The following TMEM163 variants were observed in gnomAD, a reference collection of about 807,000 sequenced individuals.
TMEM163 encodes transmembrane protein 163.
Under a neutral mutation model 29.3 loss-of-function variants are expected in TMEM163, and 17 were observed. The ratio of observed to expected loss-of-function variants is 0.58; its 90% CI spans 0.40 to 0.87. TMEM163 has a LOEUF of 0.87. Ranked by LOEUF, TMEM163 falls within the 40% of genes least tolerant of loss-of-function variation. The probability of loss-of-function intolerance (pLI) is 0.00; values close to 1 mark genes in which losing one functional copy is unlikely to be tolerated. For missense variants in TMEM163, 303 were observed against 381.5 expected, an observed-to-expected ratio of 0.79 and a Z score of 1.71; for synonymous variants, 157 against 160.6, an observed-to-expected ratio of 0.98 and a Z score of 0.17.
At chr2:134,472,724 C>T (rs1686832153) in intron 5 of TMEM163, among the ~76,000 whole-genome samples, 1 of 152,210 alleles carries the variant, frequency 6.6e-6, no homozygotes, top group South Asian at 2.1e-4. Flanking sequence ...CAGAAGACTT[C>T]AACAACATGA....
Position 134,702,707 on chromosome 2 carries a change from A to C in TMEM163, c.322+10493T>G, listed in dbSNP as rs548722684. ...AATTTTCAAAAAAGATCCACAAAAC[A>C]AGAGCTGGAAAATTTTTTAAAGAAA... On this transcript the variant is annotated intron_variant, in intron 2 of 7. Coordinates refer to ENST00000281924, the MANE Select transcript of TMEM163 (RefSeq NM_030923.5). Among the ~76,000 whole-genome samples the C allele has an allele frequency of 3.9e-5, 6 of 152,226 alleles. No individual in the cohort carries two copies. The East Asian group carries it at 7.7e-4, about 20-fold the overall frequency.
intron 2 of TMEM163, among the ~76,000 whole-genome samples, chr2:134,680,574 T>C (rs923510516): frequency 6.6e-6 from 1 of 152,236 alleles, no homozygotes; most frequent in Non-Finnish European, 1.5e-5. Context: ...TCCTCTAGTG[T>C]TATATCCCCA....
intron 2 of TMEM163, among the ~76,000 whole-genome samples, chr2:134,672,289 T>A (rs1171457986): frequency 1.3e-5 from 2 of 152,182 alleles, no homozygotes; most frequent in African/African-American, 4.8e-5. Flanking sequence ...TATGACCACA[T>A]ACTATATACT....
intron 2 of TMEM163, among the ~76,000 whole-genome samples, chr2:134,683,341 A>T (rs1191090063): frequency 6.6e-6 from 1 of 151,848 alleles, no homozygotes; most frequent in Non-Finnish European, 1.5e-5. Context: ...CTATGTGTTT[A>T]TGGGGGCAGA....
At chr2:134,486,463 T>C (rs1455015312) in intron 5 of TMEM163, among the ~76,000 whole-genome samples, 1 of 152,134 alleles carries the variant, frequency 6.6e-6, no homozygotes, top group Non-Finnish European at 1.5e-5. Context: ...AGAGCACAAG[T>C]AAACACTATT....
intron 4 of TMEM163, among the ~76,000 whole-genome samples, chr2:134,534,321 C>T (rs1229214862): frequency 6.6e-6 from 1 of 152,208 alleles, no homozygotes; most frequent in South Asian, 2.1e-4. Context: ...GTAGGCTACA[C>T]CAACAGAACA....
intron 4 of TMEM163, among the ~76,000 whole-genome samples, chr2:134,516,748 T>TTC (rs1252761912): frequency 2.0e-5 from 3 of 148,556 alleles, no homozygotes; most frequent in East Asian, 1.9e-4. Context: ...TATGCATATA[T>TTC]ATATGAATAG....
intron 4 of TMEM163, among the ~76,000 whole-genome samples, chr2:134,523,835 C>T (rs958555248): frequency 1.3e-5 from 2 of 152,226 alleles, no homozygotes; most frequent in Non-Finnish European, 2.9e-5. Context: ...CTCCACCTCA[C>T]TTCTCCCCCA....
rs1233932019 is a variant in TMEM163 at position 134,655,498 on chromosome 2, C to G, written c.322+57702G>C. Among the ~76,000 whole-genome samples, 4 of 134,042 alleles carry G rather than the reference C, an allele frequency of 3.0e-5. 1 individual carries two copies. Among genetic ancestry groups the G allele is most frequent in the East Asian group, 2.0e-4 (1 of 4,926 alleles). 87.9% of individuals were successfully genotyped at this position (134,042 alleles called of 152,430 possible). On this transcript the variant is annotated intron_variant, in intron 2 of 7. Transcript: ENST00000281924. Reference sequence around the variant, plus strand: ...CTTCTTTGCCTTTGGTTTGAATGTCCTCCCGTAGCTCAGAGTAATTTGATC... The same window carrying G: ...CTTCTTTGCCTTTGGTTTGAATGTCGTCCCGTAGCTCAGAGTAATTTGATC...
At chr2:134,520,409 G>A (rs1238260125) in intron 4 of TMEM163, among the ~76,000 whole-genome samples, 1 of 152,202 alleles carries the variant, frequency 6.6e-6, no homozygotes, top group Non-Finnish European at 1.5e-5. Context: ...ACCTGTGTCT[G>A]GCTACTTACA....
In TMEM163 at chr2:134,458,177, C is replaced by T; in HGVS notation, c.668-4G>A. The T allele has an allele frequency of 6.2e-7, 1 of 1,614,088 alleles. No homozygotes were observed. The highest frequency in any genetic ancestry group is 8.5e-7 in the Non-Finnish European group (1 of 1,179,994). On this transcript the variant is annotated splice_region_variant and splice_polypyrimidine_tract_variant and intron_variant, in intron 6 of 7. Coordinates refer to ENST00000281924, the MANE Select transcript of TMEM163 (RefSeq NM_030923.5). ...CCACCCACGAGGGAGTTAAACCCTGCAAAGGAAGTGGAGAGAGGCTAGATG... is the reference window on the plus strand; with the variant it reads ...CCACCCACGAGGGAGTTAAACCCTGTAAAGGAAGTGGAGAGAGGCTAGATG...
At chr2:134,650,403 T>G (rs1683442751) in intron 2 of TMEM163, among the ~76,000 whole-genome samples, 1 of 152,058 alleles carries the variant, frequency 6.6e-6, no homozygotes, top group Non-Finnish European at 1.5e-5. Context: ...TAAATCAAAC[T>G]TGAAAGATTT....
At chr2:134,709,053 A>C (rs1221743969) in intron 2 of TMEM163, among the ~76,000 whole-genome samples, 1 of 152,236 alleles carries the variant, frequency 6.6e-6, no homozygotes, top group Non-Finnish European at 1.5e-5. Context: ...CTTGCACTCA[A>C]ACCTGAAAAA....
At chr2:134,521,112 C>T (rs889416677) in intron 4 of TMEM163, among the ~76,000 whole-genome samples, 5 of 152,064 alleles carry the variant, frequency 3.3e-5, no homozygotes, top group South Asian at 4.2e-4. Context: ...AATTCTCCTG[C>T]CTCAGCCTCC....
chr2:134,604,445 A>AG (rs1431432945), intron 2 of TMEM163, among the ~76,000 whole-genome samples: 2 of 152,106 alleles, frequency 1.3e-5, no homozygotes, highest in Admixed American at 1.3e-4. Flanking sequence ...GGAAAAAAAA[A>AG]AAAAAACCTC....
chr2:134,585,269 G>T (rs1323041906), intron 2 of TMEM163, among the ~76,000 whole-genome samples: 1 of 152,094 alleles, frequency 6.6e-6, no homozygotes, highest in Non-Finnish European at 1.5e-5. Flanking sequence ...CTGAGTAGCT[G>T]GGACTATGGG....
At position 134,707,897 on chromosome 2, in the gene TMEM163, CTT is replaced by C. The variant is rs35922959; in HGVS notation, c.322+5301_322+5302del. 2.7e-3 allele frequency among the ~76,000 whole-genome samples: 357 copies of C among 133,600 alleles called. 4 individuals are homozygous for C. Among genetic ancestry groups the C allele is most frequent in the African/African-American group, 6.3e-3 (233 of 36,790 alleles). The allele number at this position is 133,600 out of a possible 152,430, so 87.6% of individuals were successfully genotyped here. ...GGGCAAAAGTCAGGGCAGACCAGAACTTTTTTTTTTTTTTTTTTTGAGACATA... is the reference window on the plus strand; with the variant it reads ...GGGCAAAAGTCAGGGCAGACCAGAACTTTTTTTTTTTTTTTTTGAGACATA... On this transcript the variant is annotated intron_variant, in intron 2 of 7. Coordinates refer to ENST00000281924, the MANE Select transcript of TMEM163 (RefSeq NM_030923.5).
chr2:134,672,330 C>T (rs1393613287), intron 2 of TMEM163, among the ~76,000 whole-genome samples: 1 of 152,154 alleles, frequency 6.6e-6, no homozygotes, highest in Non-Finnish European at 1.5e-5. Flanking sequence ...CCCACAGGCT[C>T]TATGATATGC....
intron 4 of TMEM163, among the ~76,000 whole-genome samples, chr2:134,505,909 C>G (rs564678882): frequency 6.6e-6 from 1 of 152,130 alleles, no homozygotes; most frequent in East Asian, 1.9e-4. Flanking sequence ...TAGCATGTAG[C>G]AGGTACTCCT....
Sources: allele counts gnomAD v4.1 joint callset (sites outside exome capture counted in the v4.1 genomes callset), GRCh38; gene constraint gnomAD v4.1.1; transcripts MANE v1.5; gene names NCBI Gene and HGNC (gene_info 2026-07-23, HGNC 2026-07-21).